Variants in PRTFDC1 observed in about 807,000 individuals in gnomAD.
PRTFDC1 encodes phosphoribosyl transferase domain containing 1.
Under a neutral mutation model 34.6 loss-of-function variants are expected in PRTFDC1, and 38 were observed. The observed-to-expected ratio is 1.10, with a 90% CI of 0.85 to 1.44. PRTFDC1 has a LOEUF of 1.44. Among genes scored for constraint, PRTFDC1 ranks in the 40% most tolerant of loss-of-function variants. The pLI is 0.00. For missense variants in PRTFDC1, 270 were observed against 283.0 expected (o/e 0.95, Z 0.33); for synonymous variants, 93 against 98.1 (o/e 0.95, Z 0.31).
intron 7 of PRTFDC1, among the ~76,000 whole-genome samples, chr10:24,851,680 A>G (rs549604326): frequency 3.9e-5 from 6 of 152,054 alleles, no homozygotes. Context: ...AAGCCAACCT[A>G]CAATGAAGAA....
At chr10:24,884,450 C>T (rs1437532302) in intron 3 of PRTFDC1, among the ~76,000 whole-genome samples, 1 of 152,174 alleles carries the variant, frequency 6.6e-6, no homozygotes, top group Non-Finnish European at 1.5e-5. Flanking sequence ...TGTCACTTCT[C>T]AGCTCAAAAT....
intron 8 of PRTFDC1, 55 bp from the exon 9 acceptor site, chr10:24,849,946 G>T: frequency 6.4e-7 from 1 of 1,551,972 alleles, no homozygotes; most frequent in Non-Finnish European, 8.9e-7. Flanking sequence ...ATGAGACACA[G>T]AAAAGGTGAT....
chr10:24,895,056 C>G (rs190140414), intron 3 of PRTFDC1, among the ~76,000 whole-genome samples: 1 of 152,088 alleles, frequency 6.6e-6, no homozygotes, highest in African/African-American at 2.4e-5. Flanking sequence ...CTACGTCGTA[C>G]CAGTCAATGT....
intron 3 of PRTFDC1, among the ~76,000 whole-genome samples, chr10:24,875,169 A>G (rs1847940652): frequency 6.6e-6 from 1 of 152,226 alleles, no homozygotes; most frequent in Non-Finnish European, 1.5e-5. Context: ...ATGAGGTACA[A>G]TGCGATGTTA....
chr10:24,911,876 AAAACAAAC>A (rs140884840), intron 3 of PRTFDC1, among the ~76,000 whole-genome samples: 3 of 151,422 alleles, frequency 2.0e-5, no homozygotes, highest in Non-Finnish European at 4.4e-5. Flanking sequence ...CAAAAAAAAC[AAAACAAAC>A]AAACAAACAA....
At chr10:24,862,012 T>G (rs1194730729) in intron 4 of PRTFDC1, among the ~76,000 whole-genome samples, 2 of 152,052 alleles carry the variant, frequency 1.3e-5, no homozygotes, top group East Asian at 3.9e-4. Flanking sequence ...AGAAAGTTTG[T>G]ACTTTCTATA....
chr10:24,878,207 A>G (rs1848000394), intron 3 of PRTFDC1, among the ~76,000 whole-genome samples: 1 of 151,744 alleles, frequency 6.6e-6, no homozygotes, highest in African/African-American at 2.4e-5. Context: ...TGGGAGGTGG[A>G]GGTTGTGGTG....
At chr10:24,939,059 C>T (rs10828727) in intron 2 of PRTFDC1, among the ~76,000 whole-genome samples, 37,501 of 151,986 alleles carry the variant, frequency 0.25, 4,978 homozygotes, top group East Asian at 0.39. Context: ...CATCAGAAGT[C>T]ACACAGTGAG....
intron 3 of PRTFDC1, among the ~76,000 whole-genome samples, chr10:24,932,716 G>A (rs1451379054): frequency 6.6e-6 from 1 of 151,936 alleles, no homozygotes; most frequent in Non-Finnish European, 1.5e-5. Context: ...CCCCCAAATT[G>A]ATCTATAGAT....
chr10:24,937,490 G>A (rs758963877), intron 2 of PRTFDC1, 123 bp from the exon 3 acceptor site: 4 of 810,238 alleles, frequency 4.9e-6, no homozygotes, highest in Non-Finnish European at 7.2e-6. Context: ...AAAACCTTGG[G>A]AAACAGAAAC....
intron 7 of PRTFDC1, 26 bp from the exon 8 acceptor site, chr10:24,851,490 A>G (rs1232747003): frequency 8.2e-6 from 13 of 1,588,302 alleles, no homozygotes; most frequent in Non-Finnish European, 1.1e-5. Flanking sequence ...AAGAGAAAAA[A>G]AAAAAGGAAC....
At chr10:24,871,095 T>C (rs1046775344) in intron 4 of PRTFDC1, among the ~76,000 whole-genome samples, 13 of 146,852 alleles carry the variant, frequency 8.9e-5, no homozygotes, top group Non-Finnish European at 1.3e-4. Context: ...AAAAAAGTCC[T>C]TGTGGCTCTA....
At chr10:24,943,545 T>C (rs1849203770) in intron 1 of PRTFDC1, among the ~76,000 whole-genome samples, 1 of 11,582 alleles carries the variant, frequency 8.6e-5, no homozygotes, top group South Asian at 3.5e-3. Flanking sequence ...TTTCCCATTC[T>C]TTTTTTTTTT....
chr10:24,883,863 T>G (rs568511862), intron 3 of PRTFDC1, among the ~76,000 whole-genome samples: 1 of 146,772 alleles, frequency 6.8e-6, no homozygotes, highest in African/African-American at 2.5e-5. Context: ...CTCACTGTGT[T>G]ACCCAGGCTG....
At chr10:24,884,328 G>A (rs560556974) in intron 3 of PRTFDC1, among the ~76,000 whole-genome samples, 16 of 152,298 alleles carry the variant, frequency 1.1e-4, no homozygotes, top group Middle Eastern at 6.8e-3. Flanking sequence ...AGCAGATTCT[G>A]TGCCATGGAG....
At chr10:24,942,778 G>T (rs1260479769) in intron 1 of PRTFDC1, among the ~76,000 whole-genome samples, 1 of 152,170 alleles carries the variant, frequency 6.6e-6, no homozygotes. Context: ...CTCCCGAGGA[G>T]CTGGGACTAC....
chr10:24,857,126 G>A, intron 5 of PRTFDC1, 131 bp from the exon 6 acceptor site: 1 of 785,566 alleles, frequency 1.3e-6, no homozygotes, highest in Non-Finnish European at 2.2e-6. Context: ...GCCACAGTAG[G>A]AGGAAGAGTT....
chr10:24,947,916 C>T (rs1354764810), intron 1 of PRTFDC1, among the ~76,000 whole-genome samples: 11 of 152,102 alleles, frequency 7.2e-5, no homozygotes, highest in Non-Finnish European at 1.5e-5. Context: ...AACCATACAT[C>T]TTGAAAAGTG....
intron 3 of PRTFDC1, 75 bp from the exon 4 acceptor site, chr10:24,872,138 C>A: frequency 7.7e-7 from 1 of 1,295,186 alleles, no homozygotes; most frequent in Non-Finnish European, 1.1e-6. Context: ...TTCCTGTCTA[C>A]CCAGTTAGTG....
Sources: allele counts gnomAD v4.1 joint callset (sites outside exome capture counted in the v4.1 genomes callset), GRCh38; gene constraint gnomAD v4.1.1; transcripts MANE v1.5; gene names NCBI Gene and HGNC (gene_info 2026-07-23, HGNC 2026-07-21).